The following TNK2 variants were observed in gnomAD, a reference collection of about 807,000 sequenced individuals.
TNK2 encodes tyrosine kinase non receptor 2.
In TNK2, 83 loss-of-function variants were observed where a neutral mutation model predicts 101.8. The observed-to-expected ratio is 0.82, with a 90% CI of 0.68 to 0.98. TNK2 has a LOEUF of 0.98. Ranked by LOEUF, TNK2 falls within the 50% of genes least tolerant of loss-of-function variation. TNK2 has a pLI of 0.00. For synonymous variants in TNK2, 804 were observed against 633.0 expected (o/e 1.27, Z -4.06); for missense variants, 1,665 against 1,483.2 (o/e 1.12, Z -2.01).
In TNK2 at chr3:195,868,357, C is replaced by CG. The variant is rs754299066; in HGVS notation, c.1940dup (p.Pro648AlafsTer4). The CG allele has an allele frequency of 1.3e-4, 202 of 1,528,932 alleles. No individual in the cohort carries two copies. Among genetic ancestry groups the CG allele is most frequent in the South Asian group, 1.5e-4 (13 of 88,874 alleles). The allele number at this position is 1,528,932 out of a possible 1,614,324, so 94.7% of individuals were successfully genotyped here. ...CCTGGGCCACGTCGTCATAGGCGGG[C>CG]GGGGGGGGCAGCGGGCGTGCGTCCC... On this transcript the variant is annotated frameshift_variant, in exon 13 of 16. Transcript: ENST00000672887. LOFTEE classifies it high-confidence loss of function.
intron 9 of TNK2, chr3:195,876,388 T>A: frequency 4.4e-6 from 2 of 456,458 alleles, no homozygotes; most frequent in Middle Eastern, 3.3e-4. Flanking sequence ...AAGGCCAGGC[T>A]AGGAGGGAAC....
Position 195,886,675 on chromosome 3 carries a change from G to A in TNK2, c.234+302C>T, listed in dbSNP as rs571168507. Among the ~76,000 whole-genome samples, 4 of 152,158 alleles carry A rather than the reference G, an allele frequency of 2.6e-5. No homozygotes were observed. Among genetic ancestry groups the A allele is most frequent in the Non-Finnish European group, 5.9e-5 (4 of 68,022 alleles). ...CTGGCCCCAACGCTCAGACACAGCA[G>A]GGCTAAGTTAAGGCACACTTGTCAA... On this transcript the variant is annotated intron_variant, in intron 3 of 15. Transcript: ENST00000672887. The surrounding 1 kb of genome is among the most constrained non-coding windows in gnomAD (Gnocchi z 4.2).
chr3:195,869,634 G>C, intron 11 of TNK2, 93 bp from the exon 12 acceptor site: 1 of 1,264,094 alleles, frequency 7.9e-7, no homozygotes, highest in Admixed American at 2.0e-5. Flanking sequence ...AGAGTGTAGA[G>C]AGACGAAGGG....
intron 1 of TNK2, among the ~76,000 whole-genome samples, chr3:195,902,646 T>TA (rs60167945): frequency 0.073 from 8,765 of 120,342 alleles, 665 homozygotes; most frequent in African/African-American, 0.2. Context: ...AAAACAAACA[T>TA]AAAAAAAAAA....
At chr3:195,907,182 G>C (rs1015225069) in intron 1 of TNK2, among the ~76,000 whole-genome samples, 1 of 152,248 alleles carries the variant, frequency 6.6e-6, no homozygotes, top group African/African-American at 2.4e-5. Context: ...ACTGAAGCCA[G>C]ACAGTGAGAG....
At position 195,892,054 on chromosome 3, in the gene TNK2, G is replaced by T. The variant is rs563449708; in HGVS notation, c.-18-3448C>A. 9.8e-6 allele frequency: 10 copies of T among 1,022,620 alleles called. No individual in the cohort carries two copies. In the Admixed American group the frequency reaches 1.6e-4, roughly 16 times the overall value. The allele number at this position is 1,022,620 out of a possible 1,614,324, so 63.3% of individuals were successfully genotyped here. On this transcript the variant is annotated intron_variant, in intron 1 of 15. Coordinates refer to ENST00000672887, the MANE Select transcript of TNK2 (RefSeq NM_001382273.1). ...GTCTCAGTCCAGGGTGACTCCGCAG[G>T]GGTCCGCCTCCCCTCTAAGTCCCCC... is the stretch of plus-strand genomic sequence containing the variant.
chr3:195,869,384 C>CT, intron 12 of TNK2, 113 bp downstream of exon 12: 1 of 1,031,482 alleles, frequency 9.7e-7, no homozygotes, highest in East Asian at 2.6e-5. Flanking sequence ...TCACAGCACA[C>CT]ACCCACCCAC....
intron 15 of TNK2, among the ~76,000 whole-genome samples, chr3:195,865,332 G>A (rs1739964543): frequency 7.8e-5 from 11 of 141,734 alleles, no homozygotes; most frequent in South Asian, 2.4e-4. Flanking sequence ...AGGTGACAGC[G>A]AGTGCCTGCG....
At chr3:195,906,499 G>GA (rs1222366985) in intron 1 of TNK2, among the ~76,000 whole-genome samples, 1 of 152,154 alleles carries the variant, frequency 6.6e-6, no homozygotes, top group African/African-American at 2.4e-5. Context: ...TCTGTTGAAT[G>GA]AAAGACGCGA....
chr3:195,867,304 T>C lies in TNK2; in HGVS notation c.2938-40A>G, dbSNP rs745529205. On this transcript the variant is annotated intron_variant, in intron 13 of 15. Transcript: ENST00000672887. Reference sequence around the variant, plus strand: ...CCCTGTCAGCACCACTAGGGCCCACTGCTCCAGGCCCCTTGGGCCCTGCCC... The same window carrying C: ...CCCTGTCAGCACCACTAGGGCCCACCGCTCCAGGCCCCTTGGGCCCTGCCC... 6 of 1,611,150 alleles carry C rather than the reference T, an allele frequency of 3.7e-6. No individual in the cohort carries two copies. The South Asian group carries it at 6.6e-5, about 18-fold the overall frequency.
chr3:195,903,902 G>A (rs1263661981), intron 1 of TNK2, among the ~76,000 whole-genome samples: 1 of 152,196 alleles, frequency 6.6e-6, no homozygotes, highest in East Asian at 1.9e-4. Context: ...TAGCAAGACT[G>A]CAGGATTCAA....
Position 195,882,248 on chromosome 3 carries a change from G to A in TNK2, c.690C>T (p.Ser230=). The A allele has an allele frequency of 6.2e-7, 1 of 1,613,778 alleles. No individual in the cohort carries two copies. Among genetic ancestry groups the A allele is most frequent in the Non-Finnish European group, 8.5e-7 (1 of 1,180,034 alleles). Reference sequence around the variant, plus strand: ...CCTCAGCCACCTGCACAGCGTAGCGGCTCAGAGTCCCCAGGAGGAAGTGGC... The same window carrying A: ...CCTCAGCCACCTGCACAGCGTAGCGACTCAGAGTCCCCAGGAGGAAGTGGC... ...HQGHFLLGTL[S]RYAVQVAEGM... Residue 230 remains serine, a synonymous_variant, in exon 6 of 16, where the codon AGC becomes AGT. Coordinates refer to ENST00000672887, the MANE Select transcript of TNK2 (RefSeq NM_001382273.1). The surrounding 1 kb of genome is among the most constrained non-coding windows in gnomAD (Gnocchi z 4.2).
chr3:195,906,713 AT>A (rs1286109395), intron 1 of TNK2, among the ~76,000 whole-genome samples: 2 of 152,238 alleles, frequency 1.3e-5, no homozygotes, highest in African/African-American at 2.4e-5. Context: ...AACTTATTAA[AT>A]TGTGTGTTTT....
chr3:195,892,003 G>A (rs1758680848), intron 1 of TNK2: 1 of 1,014,510 alleles, frequency 9.9e-7, no homozygotes, highest in Non-Finnish European at 1.2e-6. Context: ...AGGAACTCCG[G>A]GATGCTGGTG....
Position 195,868,410 on chromosome 3 carries a change from G to A in TNK2, c.1888C>T (p.Pro630Ser), listed in dbSNP as rs765848680. ...PQSPTRALPRPLHPTPVVDWD... is the reference protein window; with the variant it reads ...PQSPTRALPRSLHPTPVVDWD... ...TCCACCACAGGCGTGGGGTGCAGGG[G>A]CCGGGGCAGTGCCCGCGTGGGGCTC... The change falls in exon 13 of 16, where the codon CCC becomes TCC. Residue 630 changes from proline (P) to serine (S), a missense_variant. Physicochemically the swap from Pro to Ser is moderately conservative, Grantham distance 74 (BLOSUM62 -1). Transcript: ENST00000672887. 10 of 1,579,372 alleles carry A rather than the reference G, an allele frequency of 6.3e-6. No individual in the cohort carries two copies. The highest frequency in any genetic ancestry group is 8.6e-6 in the Non-Finnish European group (10 of 1,169,496).
intron 2 of TNK2, among the ~76,000 whole-genome samples, chr3:195,887,742 T>C (rs1756360211): frequency 6.6e-6 from 1 of 151,830 alleles, no homozygotes; most frequent in African/African-American, 2.4e-5. Context: ...TATGTGCGTG[T>C]GTGTGCACAC....
chr3:195,878,668 A>G lies in TNK2; in HGVS notation c.1015-76T>C. 1 of 1,552,460 alleles carries G rather than the reference A, an allele frequency of 6.4e-7. No homozygotes were observed. On this transcript the variant is annotated intron_variant, in intron 7 of 15. Transcript: ENST00000672887. The surrounding 1 kb of genome is among the most constrained non-coding windows in gnomAD (Gnocchi z 4.7). ...TCACTTCCCGCCTTCCCTCCAGCCC[A>G]TCCACAGCTGCAGCGGCTGCTGCCA...
At chr3:195,887,754 CGTGTGCGCACGT>C (rs1228248440) in intron 2 of TNK2, among the ~76,000 whole-genome samples, 22 of 148,190 alleles carry the variant, frequency 1.5e-4, no homozygotes, top group East Asian at 5.9e-4. Context: ...TGTGCACACG[CGTGTGCGCACGT>C]GTGTGCGTCT....
chr3:195,866,145 A>G lies in TNK2; in HGVS notation c.3161+744T>C, dbSNP rs147317510. ...ATGTATATATTTTAAATGTCTATAT[A>G]TTTTGTTAAACTATAATATAAACCT... On this transcript the variant is annotated intron_variant, in intron 15 of 15. Coordinates refer to ENST00000672887, the MANE Select transcript of TNK2 (RefSeq NM_001382273.1). 8.1e-4 allele frequency among the ~76,000 whole-genome samples: 124 copies of G among 152,276 alleles called. 1 individual carries two copies. The highest frequency in any genetic ancestry group is 2.9e-3 in the African/African-American group (119 of 41,546).
Sources: gnomAD v4.1 joint callset for allele counts (sites outside exome capture counted in the v4.1 genomes callset) on GRCh38, gnomAD v4.1.1 for gene constraint, Gnocchi (gnomAD v3.1) non-coding constraint, MANE v1.5 for transcripts, NCBI Gene and HGNC (gene_info 2026-07-23, HGNC 2026-07-21) for gene names.